The following UNC5D variants were observed in gnomAD, a reference collection of about 807,000 sequenced individuals.
The protein encoded by UNC5D is unc-5 netrin receptor D.
A neutral mutation model predicts 105.4 loss-of-function variants in UNC5D; 39 were observed. The ratio of observed to expected loss-of-function variants is 0.37; its 90% confidence interval spans 0.29 to 0.48. The LOEUF (loss-of-function observed/expected upper bound fraction) is 0.48. Among genes scored for constraint, UNC5D ranks in the 20% least tolerant of loss-of-function variants. The pLI is 0.98. For synonymous variants in UNC5D, 452 were observed against 450.4 expected (o/e 1.00, Z -0.04); for missense variants, 991 against 1,202.4 (o/e 0.82, Z 2.60).
At chr8:35,443,458 T>C (rs947065693) in intron 1 of UNC5D, among the ~76,000 whole-genome samples, 2 of 151,822 alleles carry the variant, frequency 1.3e-5, no homozygotes, top group African/African-American at 4.8e-5. Context: ...AGCACAGAGC[T>C]GGACCTTGAA....
chr8:35,719,086 T>C (rs1828420922), intron 8 of UNC5D, among the ~76,000 whole-genome samples: 1 of 150,034 alleles, frequency 6.7e-6, no homozygotes, highest in South Asian at 2.1e-4. Context: ...TTGAGTGTGT[T>C]CTTGTGTGCG....
chr8:35,535,345 A>G (rs1814754317), intron 1 of UNC5D, among the ~76,000 whole-genome samples: 1 of 152,062 alleles, frequency 6.6e-6, no homozygotes. Flanking sequence ...GACAGTATGC[A>G]TACCAGGCTT....
At chr8:35,406,708 G>A (rs910704670) in intron 1 of UNC5D, among the ~76,000 whole-genome samples, 1 of 152,106 alleles carries the variant, frequency 6.6e-6, no homozygotes, top group Non-Finnish European at 1.5e-5. Context: ...TACAATTTTA[G>A]GACTTGAAGT....
chr8:35,362,191 A>G (rs1006672468), intron 1 of UNC5D, among the ~76,000 whole-genome samples: 9 of 152,204 alleles, frequency 5.9e-5, no homozygotes, highest in African/African-American at 2.2e-4. Flanking sequence ...CTCTTTCACA[A>G]GTTGCATTTC....
chr8:35,313,373 A>G (rs1286430194), intron 1 of UNC5D, among the ~76,000 whole-genome samples: 1 of 152,186 alleles, frequency 6.6e-6, no homozygotes, highest in Non-Finnish European at 1.5e-5. Flanking sequence ...GCATTTGAAC[A>G]TATTGTAGAC....
chr8:35,771,163 T>C (rs1055690033), intron 15 of UNC5D, among the ~76,000 whole-genome samples: 2 of 152,210 alleles, frequency 1.3e-5, no homozygotes, highest in African/African-American at 2.4e-5. Flanking sequence ...CTCAATCTCA[T>C]ATAATACTTT....
At chr8:35,470,150 T>C (rs1809597254) in intron 1 of UNC5D, among the ~76,000 whole-genome samples, 1 of 152,182 alleles carries the variant, frequency 6.6e-6, no homozygotes. Flanking sequence ...CAACTAGTAA[T>C]TGAGGAGACA....
chr8:35,436,147 C>A (rs77210011), intron 1 of UNC5D, among the ~76,000 whole-genome samples: 2,253 of 151,904 alleles, frequency 0.015, 65 homozygotes, highest in African/African-American at 0.052. Context: ...GTAAGTGGGA[C>A]CTTAGTAAGC....
chr8:35,742,735 A>T (rs1270598025), intron 11 of UNC5D, among the ~76,000 whole-genome samples: 1 of 152,180 alleles, frequency 6.6e-6, no homozygotes, highest in Non-Finnish European at 1.5e-5. Context: ...CACAGAGGTA[A>T]AATGTCCAGG....
intron 1 of UNC5D, among the ~76,000 whole-genome samples, chr8:35,491,520 T>C (rs902061963): frequency 1.3e-5 from 2 of 152,170 alleles, no homozygotes; most frequent in Non-Finnish European, 2.9e-5. Flanking sequence ...AATTGTTATA[T>C]GGCCATTTAC....
At chr8:35,339,699 G>A (rs1423775130) in intron 1 of UNC5D, among the ~76,000 whole-genome samples, 1 of 152,172 alleles carries the variant, frequency 6.6e-6, no homozygotes. Flanking sequence ...AGGTTCCAAT[G>A]CTCAGCTCTC....
At chr8:35,684,557 TCCCC>T in intron 5 of UNC5D, 21 bp from the exon 6 acceptor site, 2 of 1,604,894 alleles carry the variant, frequency 1.2e-6, no homozygotes, top group Admixed American at 1.7e-5. Flanking sequence ...CCTTTTTTTC[TCCCC>T]TCCCCATTTT....
At chr8:35,497,588 C>A (rs1173349740) in intron 1 of UNC5D, among the ~76,000 whole-genome samples, 2 of 150,718 alleles carry the variant, frequency 1.3e-5, no homozygotes, top group African/African-American at 4.9e-5. Flanking sequence ...TGTGAGATGT[C>A]TTTTGGACAG....
intron 1 of UNC5D, among the ~76,000 whole-genome samples, chr8:35,340,167 G>C (rs1811358548): frequency 6.6e-6 from 1 of 152,112 alleles, no homozygotes. Flanking sequence ...GATGGGAAGA[G>C]GATTTTCTCA....
intron 1 of UNC5D, among the ~76,000 whole-genome samples, chr8:35,344,508 T>G (rs1811668710): frequency 6.6e-6 from 1 of 152,230 alleles, no homozygotes; most frequent in Non-Finnish European, 1.5e-5. Context: ...ATGATATTTA[T>G]GAGGAAGTTG....
At chr8:35,325,211 C>T (rs1248401906) in intron 1 of UNC5D, among the ~76,000 whole-genome samples, 1 of 152,030 alleles carries the variant, frequency 6.6e-6, no homozygotes, top group African/African-American at 2.4e-5. Context: ...AATGGTTAAC[C>T]AGCTAACTTT....
intron 4 of UNC5D, among the ~76,000 whole-genome samples, chr8:35,633,077 C>A (rs1822140683): frequency 6.6e-6 from 1 of 152,188 alleles, no homozygotes; most frequent in Non-Finnish European, 1.5e-5. Context: ...TTCATGGGGT[C>A]CCCTCTCTAA....
intron 2 of UNC5D, among the ~76,000 whole-genome samples, chr8:35,562,141 G>C (rs1054457897): frequency 6.6e-6 from 1 of 152,080 alleles, no homozygotes; most frequent in Non-Finnish European, 1.5e-5. Context: ...TCTGCACTTG[G>C]CTTATTGCAC....
intron 1 of UNC5D, among the ~76,000 whole-genome samples, chr8:35,482,504 C>T (rs563013654): frequency 5.3e-5 from 8 of 152,306 alleles, no homozygotes; most frequent in Middle Eastern, 3.4e-3. Flanking sequence ...CTTTGCCACA[C>T]TTTCTAGTCA....
Sources: gnomAD v4.1 joint callset for allele counts (sites outside exome capture counted in the v4.1 genomes callset) on GRCh38, gnomAD v4.1.1 for gene constraint, MANE v1.5 for transcripts, NCBI Gene and HGNC (gene_info 2026-07-23, HGNC 2026-07-21) for gene names.